Variants in CNTLN observed in about 807,000 individuals in gnomAD.
CNTLN encodes centlein, centrosomal protein.
In CNTLN, 212 loss-of-function variants were observed where a neutral mutation model predicts 180.0. The ratio of observed to expected loss-of-function variants is 1.18; its 90% confidence interval spans 1.05 to 1.32. The LOEUF (loss-of-function observed/expected upper bound fraction) is 1.32, where lower values mean the gene tolerates loss of function less well. CNTLN is among the 40% of genes most tolerant of loss of function. The pLI is 0.00. For missense variants in CNTLN, 2,095 were observed against 1,610.9 expected (o/e 1.30, Z -5.14); for synonymous variants, 722 against 563.1 (o/e 1.28, Z -3.99).
chr9:17,312,369 T>TA (rs376638677), intron 8 of CNTLN, among the ~76,000 whole-genome samples: 9 of 34,382 alleles, frequency 2.6e-4, no homozygotes, highest in Non-Finnish European at 5.1e-4. Context: ...ATATATTATA[T>TA]ATATATATAT....
At chr9:17,265,879 G>A (rs1217353377) in intron 5 of CNTLN, among the ~76,000 whole-genome samples, 2 of 152,038 alleles carry the variant, frequency 1.3e-5, no homozygotes, top group African/African-American at 4.8e-5. Flanking sequence ...GGGATCGGTG[G>A]TGATATCCCC....
intron 15 of CNTLN, among the ~76,000 whole-genome samples, chr9:17,401,075 G>C (rs976663834): frequency 6.6e-6 from 1 of 152,034 alleles, no homozygotes; most frequent in Non-Finnish European, 1.5e-5. Context: ...GTCAAAAATC[G>C]GTTTGTCTGT....
Position 17,491,587 on chromosome 9 carries a change from C to A in CNTLN, c.4119+4521C>A, listed in dbSNP as rs999784251. Among the ~76,000 whole-genome samples the A allele has an allele frequency of 3.6e-4, 54 of 152,004 alleles. 1 individual carries two copies. Among genetic ancestry groups the A allele is most frequent in the Admixed American group, 1.4e-3 (21 of 15,250 alleles). ...CTTTATTCTTTGTTATTTGCTAATC[C>A]TTTTTTAGGTTTCATTTTGTCCATT... On this transcript the variant is annotated intron_variant, in intron 25 of 25. Transcript: ENST00000380647.
intron 8 of CNTLN, among the ~76,000 whole-genome samples, chr9:17,312,660 C>A (rs1393606665): frequency 6.6e-6 from 1 of 151,016 alleles, no homozygotes; most frequent in Middle Eastern, 3.2e-3. Context: ...ACCTCCGCCT[C>A]CCAAAGTGCT....
rs1257764258 is a variant in CNTLN, at chr9:17,320,341, C to G, written c.1342-10291C>G. On this transcript the variant is annotated intron_variant, in intron 8 of 25. Coordinates refer to ENST00000380647, the MANE Select transcript of CNTLN (RefSeq NM_017738.4). ...GTAATGTCTGTATACTCACCAGCAA[C>G]TGTCACAAATAATCTTGATTATATC... Among the ~76,000 whole-genome samples the G allele has an allele frequency of 2.0e-5, 3 of 152,108 alleles. No homozygotes were observed. The East Asian group carries it at 5.8e-4, about 29-fold the overall frequency.
intron 2 of CNTLN, among the ~76,000 whole-genome samples, chr9:17,169,120 C>T (rs989064037): frequency 6.6e-6 from 1 of 152,150 alleles, no homozygotes; most frequent in Non-Finnish European, 1.5e-5. Flanking sequence ...GCCTCAGCCT[C>T]CCAAGTAGCT....
chr9:17,194,082 A>G (rs1319628665), intron 2 of CNTLN, among the ~76,000 whole-genome samples: 1 of 152,180 alleles, frequency 6.6e-6, no homozygotes, highest in Non-Finnish European at 1.5e-5. Context: ...CACACAGTAC[A>G]GGGACCCTGG....
intron 8 of CNTLN, among the ~76,000 whole-genome samples, chr9:17,329,778 C>G (rs1820526172): frequency 6.6e-6 from 1 of 151,024 alleles, no homozygotes; most frequent in South Asian, 2.1e-4. Context: ...GGATGGGGCC[C>G]TTCATCAGTT....
At chr9:17,470,051 C>T (rs1452547886) in intron 23 of CNTLN, among the ~76,000 whole-genome samples, 3 of 151,876 alleles carry the variant, frequency 2.0e-5, no homozygotes, top group Non-Finnish European at 2.9e-5. Flanking sequence ...TGACTCGTCT[C>T]CTGAACATTT....
At chr9:17,497,486 C>T (rs1057508385) in intron 25 of CNTLN, among the ~76,000 whole-genome samples, 1 of 152,172 alleles carries the variant, frequency 6.6e-6, no homozygotes, top group Non-Finnish European at 1.5e-5. Flanking sequence ...AGCATCTCCC[C>T]AACCCCAAGG....
intron 7 of CNTLN, among the ~76,000 whole-genome samples, chr9:17,305,758 G>A (rs546274307): frequency 6.6e-6 from 1 of 152,252 alleles, no homozygotes; most frequent in South Asian, 2.1e-4. Flanking sequence ...GTTAAAAATG[G>A]CTGGAGGACT....
At chr9:17,458,057 T>C (rs1489383001) in intron 19 of CNTLN, among the ~76,000 whole-genome samples, 1 of 151,962 alleles carries the variant, frequency 6.6e-6, no homozygotes, top group Non-Finnish European at 1.5e-5. Flanking sequence ...TAAACAGAAT[T>C]GCTTTTCTCT....
At chr9:17,185,250 A>C (rs1821356204) in intron 2 of CNTLN, among the ~76,000 whole-genome samples, 1 of 152,208 alleles carries the variant, frequency 6.6e-6, no homozygotes. Context: ...ATTTTATTGC[A>C]ATAGATAATA....
intron 5 of CNTLN, among the ~76,000 whole-genome samples, chr9:17,267,470 C>G (rs1396735476): frequency 6.6e-6 from 1 of 152,088 alleles, no homozygotes; most frequent in African/African-American, 2.4e-5. Context: ...CTGCCCTTAA[C>G]ATTTTTTCCT....
chr9:17,358,293 A>G (rs1303018220), intron 12 of CNTLN, among the ~76,000 whole-genome samples: 1 of 152,110 alleles, frequency 6.6e-6, no homozygotes, highest in African/African-American at 2.4e-5. Flanking sequence ...TTTAACATGC[A>G]TAAACTAGAT....
intron 8 of CNTLN, among the ~76,000 whole-genome samples, chr9:17,328,888 A>G (rs1820469148): frequency 6.6e-6 from 1 of 151,954 alleles, no homozygotes; most frequent in Non-Finnish European, 1.5e-5. Flanking sequence ...AAAAATATTA[A>G]TATCATTAAT....
At chr9:17,158,123 C>A (rs1819425412) in intron 2 of CNTLN, among the ~76,000 whole-genome samples, 1 of 152,030 alleles carries the variant, frequency 6.6e-6, no homozygotes, top group East Asian at 1.9e-4. Context: ...TAAGGGATAC[C>A]CAACCTGTAT....
intron 13 of CNTLN, among the ~76,000 whole-genome samples, chr9:17,373,842 C>T (rs1193445616): frequency 4.6e-5 from 7 of 152,076 alleles, no homozygotes; most frequent in Non-Finnish European, 7.4e-5. Context: ...TTGTTGACAG[C>T]GTTGCCAAGA....
At chr9:17,275,217 T>G (rs1221266283) in intron 6 of CNTLN, among the ~76,000 whole-genome samples, 1 of 152,122 alleles carries the variant, frequency 6.6e-6, no homozygotes, top group Admixed American at 6.6e-5. Flanking sequence ...TCTGATGCTT[T>G]TCAAGACTGC....
Sources: gnomAD v4.1 joint callset for allele counts (sites outside exome capture counted in the v4.1 genomes callset) on GRCh38, gnomAD v4.1.1 for gene constraint, MANE v1.5 for transcripts, NCBI Gene and HGNC (gene_info 2026-07-23, HGNC 2026-07-21) for gene names.